Variants in NBPF12 observed in about 807,000 individuals in gnomAD.
NBPF12 encodes NBPF family member NBPF12.
A neutral mutation model predicts 146.4 loss-of-function variants in NBPF12; 115 were observed. That is an observed-to-expected ratio of 0.79 (90% CI 0.68 to 0.92). The LOEUF is 0.92. Among genes scored for constraint, NBPF12 ranks in the 40% least tolerant of loss-of-function variants. The probability of loss-of-function intolerance (pLI) is 0.00; values close to 1 mark genes in which losing one functional copy is unlikely to be tolerated. For synonymous variants in NBPF12, 385 were observed against 508.9 expected (o/e 0.76, Z 3.28); for missense variants, 1,205 against 1,326.8 (o/e 0.91, Z 1.43).
chr1:146,968,038 G>GA (rs1656317554), intron 9 of NBPF12, among the ~76,000 whole-genome samples: 1 of 149,160 alleles, frequency 6.7e-6, no homozygotes, highest in Non-Finnish European at 1.5e-5. Context: ...CAGTAAAAGG[G>GA]AAACCATCAG....
In NBPF12 at chr1:146,940,974, T is replaced by C. The variant is rs1245677888; in HGVS notation, c.-822+1992T>C. Among the ~76,000 whole-genome samples, 587 of 152,262 alleles carry C rather than the reference T, an allele frequency of 3.9e-3. 3 individuals carry two copies. Among genetic ancestry groups the C allele is most frequent in the Non-Finnish European group, 5.0e-3 (342 of 68,048 alleles). Reference sequence around the variant, plus strand: ...TTTTCTGTTGATTTGTAATACTTTATTCTGGATATGCATCCTTTCTAGGAT... The same window carrying C: ...TTTTCTGTTGATTTGTAATACTTTACTCTGGATATGCATCCTTTCTAGGAT... On this transcript the variant is annotated intron_variant, in intron 1 of 35. Coordinates refer to the NBPF12 transcript ENST00000617931.
At chr1:146,963,402 G>T in intron 6 of NBPF12, 93 bp downstream of exon 9, 14 of 1,603,208 alleles carry the variant, frequency 8.7e-6, no homozygotes, top group Non-Finnish European at 6.8e-6. Context: ...GTATCAGTGG[G>T]GTTTTTTTCT....
rs1553885285 is a variant in NBPF12, at chr1:146,964,597, C to G, written c.566+168C>G. Among the ~76,000 whole-genome samples the G allele has an allele frequency of 3.7e-3, 561 of 151,954 alleles. 9 individuals are homozygous for G. Among genetic ancestry groups the G allele is most frequent in the East Asian group, 9.7e-3 (50 of 5,180 alleles). The stretch of plus-strand genomic sequence containing the variant: ...AGGGTGCGACAGCTGTCATGTTTCT[C>G]TATGTGTGCCAAGTGTCATGTCTGT... On this transcript the variant is annotated intron_variant, in intron 7 of 33. Coordinates refer to ENST00000617844, the Ensembl canonical transcript of NBPF12.
chr1:146,972,993 A>T, intron 14 of NBPF12, 33 bp downstream of exon 17: 1 of 890,500 alleles, frequency 1.1e-6, no homozygotes, highest in Non-Finnish European at 1.9e-6. Flanking sequence ...CATGAAAGTG[A>T]TGAACGAAGT....
exon 34 of NBPF12, chr1:146,995,928 A>G (rs1453224037): frequency 6.6e-6 from 1 of 150,770 alleles, no homozygotes; most frequent in Non-Finnish European, 1.5e-5. Context: ...TGTGTCTATT[A>G]TTATATACAT....
In NBPF12 at chr1:146,984,897, T is replaced by C. The variant is rs1464947366; in HGVS notation, c.2751T>C (p.Tyr917=). ...GATGTTATTCAACTCCTTCAGTTTA[T>C]CTTGGACTGACTGACTCATGCCAGC... The change falls in exon 22 of 34, where the codon TAT becomes TAC. Residue 917 remains tyrosine (Y), a synonymous_variant. Transcript: ENST00000617844. The C allele has an allele frequency of 3.1e-6, 5 of 1,597,982 alleles. No individual in the cohort carries two copies. In the African/African-American group the frequency reaches 5.4e-5, roughly 17 times the overall value.
At chr1:146,973,712 C>T (rs1656807364) in intron 14 of NBPF12, among the ~76,000 whole-genome samples, 1 of 147,808 alleles carries the variant, frequency 6.8e-6, no homozygotes, top group South Asian at 2.2e-4. Context: ...CCTTTGAACC[C>T]AGGAGGCTGA....
chr1:146,980,767 A>T (rs1378961065), intron 19 of NBPF12, among the ~76,000 whole-genome samples: 3 of 147,386 alleles, frequency 2.0e-5, no homozygotes, highest in African/African-American at 7.6e-5. Context: ...TGACCCAGCC[A>T]TCCCATTACT....
intron 4 of NBPF12, 37 bp from the exon 8 acceptor site, chr1:146,962,124 C>T: frequency 1.2e-6 from 2 of 1,603,316 alleles, no homozygotes; most frequent in South Asian, 1.1e-5. Context: ...GCATGTCCAG[C>T]CTTCCACTGA....
chr1:146,948,854 A>AT (rs1655193828), upstream of NBPF12, among the ~76,000 whole-genome samples: 1 of 151,342 alleles, frequency 6.6e-6, no homozygotes, highest in South Asian at 2.1e-4. Flanking sequence ...GTAAAGCCCG[A>AT]TTGTATATTC....
exon 12 of NBPF12, chr1:146,970,684 G>C: frequency 2.1e-6 from 3 of 1,441,632 alleles, no homozygotes; most frequent in Non-Finnish European, 2.9e-6. Context: ...TTCAAGTTGA[G>C]GAGGATGAGA....
chr1:146,990,444 T>TC, intron 28 of NBPF12, 22 bp from the exon 32 acceptor site: 1 of 509,848 alleles, frequency 2.0e-6, no homozygotes, highest in Non-Finnish European at 3.3e-6. Flanking sequence ...CATATGTCTG[T>TC]CCATGTCTGA....
intron 2 of NBPF12, among the ~76,000 whole-genome samples, chr1:146,955,898 T>C (rs1215835909): frequency 6.6e-6 from 1 of 151,446 alleles, no homozygotes; most frequent in Non-Finnish European, 1.5e-5. Context: ...CGTTATTTCG[T>C]CATGCTTTAA....
At chr1:146,967,460 C>A (rs1656279723) in intron 9 of NBPF12, among the ~76,000 whole-genome samples, 1 of 149,188 alleles carries the variant, frequency 6.7e-6, no homozygotes, top group African/African-American at 2.5e-5. Context: ...AAGATTTTGC[C>A]ATTGCACTCC....
At chr1:146,960,256 T>A in exon 4 of NBPF12, 1 of 1,416,618 alleles carries the variant, frequency 7.1e-7, no homozygotes, top group Non-Finnish European at 9.8e-7. Context: ...TTCAGAAACC[T>A]CAAAGAGAGA....
upstream of NBPF12, among the ~76,000 whole-genome samples, chr1:146,948,845 T>C (rs1655192833): frequency 6.6e-6 from 1 of 150,660 alleles, no homozygotes; most frequent in African/African-American, 2.5e-5. Flanking sequence ...TGTCTCGGTG[T>C]AAAGCCCGAT....
At chr1:146,980,143 A>G (rs1185485040) in intron 19 of NBPF12, among the ~76,000 whole-genome samples, 1 of 151,692 alleles carries the variant, frequency 6.6e-6, no homozygotes, top group Non-Finnish European at 1.5e-5. Context: ...CAACCCCTGC[A>G]TTTTTTTGCT....
chr1:146,989,471 T>C (rs1658009702), intron 27 of NBPF12, 103 bp from the exon 31 acceptor site: 4 of 1,210,856 alleles, frequency 3.3e-6, no homozygotes, highest in Non-Finnish European at 3.7e-6. Flanking sequence ...GATCTGTCCT[T>C]TTTCTTTTCT....
At chr1:146,976,292 C>A (rs1216438820) in intron 16 of NBPF12, among the ~76,000 whole-genome samples, 1 of 150,216 alleles carries the variant, frequency 6.7e-6, no homozygotes, top group African/African-American at 2.5e-5. Flanking sequence ...CTGAGTTTCT[C>A]TCTCTCCATG....
Sources: allele counts gnomAD v4.1 joint callset (sites outside exome capture counted in the v4.1 genomes callset), GRCh38; gene constraint gnomAD v4.1.1; transcripts MANE v1.5; gene names NCBI Gene and HGNC (gene_info 2026-07-23, HGNC 2026-07-21).